The following STAB2 variants were observed in gnomAD, a reference collection of about 807,000 sequenced individuals.
STAB2 encodes the protein stabilin 2, also known as stabilin-2.
A neutral mutation model predicts 338.1 loss-of-function variants in STAB2; 288 were observed. The ratio of observed to expected loss-of-function variants is 0.85; its 90% confidence interval spans 0.77 to 0.94. STAB2 has a LOEUF of 0.94. STAB2 is among the 40% of genes least tolerant of loss of function. STAB2 has a pLI of 0.00. For missense variants in STAB2, 3,141 were observed against 3,210.1 expected, an observed-to-expected ratio of 0.98 and a Z score of 0.52; for synonymous variants, 1,202 against 1,193.3, an observed-to-expected ratio of 1.01 and a Z score of -0.15.
chr12:103,750,473 G>GTCCA, intron 59 of STAB2, 106 bp from the exon 60 acceptor site: 1 of 1,431,114 alleles, frequency 7.0e-7, no homozygotes, highest in Admixed American at 1.9e-5. Flanking sequence ...CGTTCTCTTG[G>GTCCA]TCCATCTGAA....
intron 5 of STAB2, among the ~76,000 whole-genome samples, chr12:103,624,582 G>A (rs367912232): frequency 1.3e-5 from 2 of 152,146 alleles, no homozygotes; most frequent in Non-Finnish European, 2.9e-5. Context: ...CCTAATCATA[G>A]GTGTTTCTTC....
chr12:103,752,564 G>C (rs1180396054), intron 60 of STAB2, among the ~76,000 whole-genome samples: 3 of 152,188 alleles, frequency 2.0e-5, no homozygotes, highest in Non-Finnish European at 1.5e-5. Context: ...AGTATCTTAG[G>C]GGGAAATGAA....
rs148736642 is a variant in STAB2 at position 103,655,599 on chromosome 12, C to T, written c.1734+18C>T. Reference sequence around the variant, plus strand: ...CTCCAGAGGTACCGTATTCTGCTTGCTCTGATGGCATCGTGTCAGCAGCAC... The same window carrying T: ...CTCCAGAGGTACCGTATTCTGCTTGTTCTGATGGCATCGTGTCAGCAGCAC... On this transcript the variant is annotated intron_variant, in intron 15 of 68. Coordinates refer to ENST00000388887, the MANE Select transcript of STAB2 (RefSeq NM_017564.10). The T allele has an allele frequency of 1.9e-5, 30 of 1,612,828 alleles. No individual in the cohort carries two copies. The highest frequency in any genetic ancestry group is 1.7e-4 in the Middle Eastern group (1 of 6,054).
At chr12:103,603,131 C>T (rs1216016714) in intron 3 of STAB2, among the ~76,000 whole-genome samples, 3 of 152,058 alleles carry the variant, frequency 2.0e-5, no homozygotes, top group Admixed American at 6.6e-5. Context: ...AGTGCAGTGG[C>T]GCGATCTCGG....
chr12:103,621,708 G>T (rs1181016876), intron 4 of STAB2, among the ~76,000 whole-genome samples: 4 of 152,220 alleles, frequency 2.6e-5, no homozygotes, highest in Admixed American at 2.6e-4. Context: ...GGGTGACGGA[G>T]CGAGACTCAG....
At chr12:103,656,735 G>A (rs527484912) in intron 15 of STAB2, among the ~76,000 whole-genome samples, 29 of 145,918 alleles carry the variant, frequency 2.0e-4, no homozygotes, top group Non-Finnish European at 3.4e-4. Flanking sequence ...GCCGGACTGC[G>A]GACTGCAGTG....
chr12:103,708,409 T>C, intron 38 of STAB2, 32 bp from the exon 39 acceptor site: 1 of 1,605,276 alleles, frequency 6.2e-7, no homozygotes, highest in Non-Finnish European at 8.5e-7. Context: ...TGGGTTAGAA[T>C]CTGACGATTT....
intron 19 of STAB2, among the ~76,000 whole-genome samples, chr12:103,667,281 A>C (rs1395692314): frequency 6.6e-6 from 1 of 152,184 alleles, no homozygotes; most frequent in African/African-American, 2.4e-5. Context: ...CAAGCAGGGA[A>C]TGTGAGAGGG....
chr12:103,606,036 T>C (rs1479243652), intron 3 of STAB2, among the ~76,000 whole-genome samples: 1 of 152,130 alleles, frequency 6.6e-6, no homozygotes, highest in Non-Finnish European at 1.5e-5. Context: ...GTTCTATCTG[T>C]TCTTTGTTCC....
chr12:103,693,815 A>C (rs1593244633), intron 31 of STAB2, among the ~76,000 whole-genome samples: 1 of 152,288 alleles, frequency 6.6e-6, no homozygotes, highest in East Asian at 1.9e-4. Context: ...AACTTTTGTA[A>C]GATGGAAGAT....
intron 33 of STAB2, among the ~76,000 whole-genome samples, chr12:103,698,868 CTAA>C (rs1253136481): frequency 6.6e-6 from 1 of 152,210 alleles, no homozygotes; most frequent in African/African-American, 2.4e-5. Context: ...TTAGAATCCT[CTAA>C]TGAGTTCTTG....
chr12:103,717,738 A>G (rs780646949), intron 43 of STAB2, 32 bp from the exon 44 acceptor site: 1 of 1,612,658 alleles, frequency 6.2e-7, no homozygotes, highest in Non-Finnish European at 8.5e-7. Context: ...CCCACCTGCA[A>G]AATGACCCCA....
In STAB2 at chr12:103,759,127, T is replaced by C; in HGVS notation, c.7108-6T>C. ...AGAGCATTCTGTGTTTCTCCTTTTTTCTCAGACCTTGTCTGGGCGGGACAT... is the reference window on the plus strand; with the variant it reads ...AGAGCATTCTGTGTTTCTCCTTTTTCCTCAGACCTTGTCTGGGCGGGACAT... On this transcript the variant is annotated splice_polypyrimidine_tract_variant and splice_region_variant and intron_variant, in intron 64 of 68. Transcript: ENST00000388887. The C allele has an allele frequency of 6.2e-7, 1 of 1,614,218 alleles. No homozygotes were observed. The highest frequency in any genetic ancestry group is 8.5e-7 in the Non-Finnish European group (1 of 1,180,024).
chr12:103,732,859 G>C (rs1174996273), intron 50 of STAB2, 147 bp from the exon 51 acceptor site: 6 of 864,356 alleles, frequency 6.9e-6, no homozygotes, highest in Non-Finnish European at 1.0e-5. Flanking sequence ...TGGGCTTCTA[G>C]TTTCTCTAGC....
chr12:103,656,677 AT>A (rs62855260), intron 15 of STAB2, among the ~76,000 whole-genome samples: 41,693 of 118,494 alleles, frequency 0.35, 4,038 homozygotes, highest in African/African-American at 0.4. Context: ...AAAACTTAGG[AT>A]TTTTTTTTTT....
chr12:103,653,982 A>G (rs1342902065), intron 12 of STAB2, among the ~76,000 whole-genome samples: 2 of 151,880 alleles, frequency 1.3e-5, no homozygotes, highest in Non-Finnish European at 2.9e-5. Flanking sequence ...GGATGGATGG[A>G]TGGGTGAATG....
At chr12:103,733,239 T>A in intron 51 of STAB2, 57 bp downstream of exon 51, 1 of 1,583,958 alleles carries the variant, frequency 6.3e-7, no homozygotes, top group Non-Finnish European at 8.6e-7. Flanking sequence ...GTGATAAAAT[T>A]CAGCACCAAG....
At chr12:103,758,678 A>G (rs4981026) in intron 64 of STAB2, among the ~76,000 whole-genome samples, 41,600 of 152,192 alleles carry the variant, frequency 0.27, 6,043 homozygotes, top group East Asian at 0.49. Context: ...CAAAGTCAGC[A>G]TGGGGGGCAA....
intron 19 of STAB2, among the ~76,000 whole-genome samples, chr12:103,667,553 G>GC (rs780472923): frequency 1.3e-5 from 2 of 152,146 alleles, no homozygotes; most frequent in African/African-American, 4.8e-5. Context: ...AGAGGGAAAA[G>GC]AAAGGGAAAT....
Sources: allele counts gnomAD v4.1 joint callset (sites outside exome capture counted in the v4.1 genomes callset), GRCh38; gene constraint gnomAD v4.1.1; transcripts MANE v1.5; gene names NCBI Gene and HGNC (gene_info 2026-07-23, HGNC 2026-07-21).